Variants in HNF1B observed in about 807,000 individuals in gnomAD.
HNF1B encodes HNF1 homeobox B, also known as hepatocyte nuclear factor 1-beta.
In HNF1B, 8 loss-of-function variants were observed where a neutral mutation model predicts 61.7. The observed-to-expected ratio is 0.13, with a 90% confidence interval of 0.08 to 0.23. The LOEUF is 0.23. Among genes scored for constraint, HNF1B ranks in the 10% least tolerant of loss-of-function variants. HNF1B has a pLI of 1.00. For missense variants in HNF1B, 562 were observed against 714.5 expected, an observed-to-expected ratio of 0.79 and a Z score of 2.43; for synonymous variants, 314 against 287.7, an observed-to-expected ratio of 1.09 and a Z score of -0.93.
intron 4 of HNF1B, among the ~76,000 whole-genome samples, chr17:37,716,284 G>A (rs534076696): frequency 6.6e-6 from 1 of 152,136 alleles, no homozygotes; most frequent in African/African-American, 2.4e-5. Flanking sequence ...GGCAACCTTC[G>A]CCTCCCGGGC....
At chr17:37,730,385 C>T (rs1368924242) in intron 4 of HNF1B, 1 of 152,396 alleles carries the variant, frequency 6.6e-6, no homozygotes, top group Non-Finnish European at 1.5e-5. Flanking sequence ...AGACTTTCTT[C>T]CTGTGTGGCT....
intron 8 of HNF1B, among the ~76,000 whole-genome samples, chr17:37,694,342 C>T (rs1005892222): frequency 1.0e-4 from 15 of 145,866 alleles, no homozygotes; most frequent in African/African-American, 3.8e-4. Flanking sequence ...GGCAGAATCG[C>T]TTGAACCTGG....
chr17:37,715,066 C>A lies in HNF1B; in HGVS notation c.1046-4403G>T, dbSNP rs561346297. The stretch of plus-strand genomic sequence containing the variant: ...CTCTGCACCTTTGCTGTTTCCTCTG[C>A]CTGGAAAGCATCTCGTGTCACATGT... On this transcript the variant is annotated intron_variant, in intron 4 of 8. Transcript: ENST00000617811. Among the ~76,000 whole-genome samples, 21 of 152,220 alleles carry A rather than the reference C, an allele frequency of 1.4e-4. No individual in the cohort carries two copies. The South Asian group carries it at 1.7e-3, about 12-fold the overall frequency.
In HNF1B at chr17:37,710,656, G is replaced by A. The variant is rs755115720; in HGVS notation, c.1053C>T (p.Arg351=). 3 of 1,613,694 alleles carry A rather than the reference G, an allele frequency of 1.9e-6. No homozygotes were observed. The highest frequency in any genetic ancestry group is 2.5e-6 in the Non-Finnish European group (3 of 1,179,774). Residue 351 remains arginine (R), a synonymous_variant, in exon 5 of 9, where the codon CGC becomes CGT. Coordinates refer to ENST00000617811, the MANE Select transcript of HNF1B (RefSeq NM_000458.4). ...TCTCATTGTTTCCCTGCTGGCTGTA[G>A]CGCACTCCTGCAAAACAACACAAAC... is the stretch of plus-strand genomic sequence containing the variant. The part of the protein sequence containing the change: ...SSPPNKLSGV[R]YSQQGNNEIT...
At position 37,731,634 on chromosome 17, in the gene HNF1B, G is replaced by C. The variant is rs138986885; in HGVS notation, c.1006C>G (p.His336Asp). 1.9e-4 allele frequency: 299 copies of C among 1,613,732 alleles called. 3 individuals are homozygous for C. The highest frequency in any genetic ancestry group is 2.4e-4 in the Non-Finnish European group (278 of 1,179,802). Residue 336 changes from histidine (H) to aspartate (D), a missense_variant, in exon 4 of 9, where the codon CAC (histidine) becomes GAC (aspartate). Physicochemically the swap from His to Asp is moderately conservative, Grantham distance 81 (BLOSUM62 -1). Around this residue, in one of 6 missense-constraint regions of HNF1B, gnomAD observed 211 missense variants for 200.7 expected, o/e 1.05. Transcript: ENST00000617811. ...GGAGGAGAGGAGCTGGGCTGGTGGT[G>C]GGGGGAGCCGTGGGAGAGCAGAGGG... ...LNPLLSHGSP[H>D]HQPSSSPPNK... is the part of the protein sequence containing the mutation.
At position 37,686,446 on chromosome 17, in the gene HNF1B, T is replaced by C. The variant is rs765774957; in HGVS notation, c.*926A>G. 1 of 152,076 alleles carries C rather than the reference T, an allele frequency of 6.6e-6. No individual in the cohort carries two copies. The highest frequency in any genetic ancestry group is 2.4e-5 in the African/African-American group (1 of 41,388). 9.4% of individuals were successfully genotyped at this position (152,076 alleles called of 1,614,324 possible). A position where few individuals can be genotyped will look rare whatever the true frequency, so the allele number is the denominator to read the frequency against. Reference sequence around the variant, plus strand: ...AGACTCTGGGTAGTGATAAAATAAATTGTTTTAATGGAAGGCTTTCTGAGA... The same window carrying C: ...AGACTCTGGGTAGTGATAAAATAAACTGTTTTAATGGAAGGCTTTCTGAGA... On this transcript the variant is annotated 3_prime_UTR_variant, in exon 9 of 9. Transcript: ENST00000617811.
At chr17:37,740,564 A>G (rs996990103) in intron 1 of HNF1B, among the ~76,000 whole-genome samples, 2 of 152,188 alleles carry the variant, frequency 1.3e-5, no homozygotes, top group African/African-American at 4.8e-5. Context: ...GAGTTTTAGA[A>G]AAGTTTTCCA....
chr17:37,743,039 A>G (rs1359653110), intron 1 of HNF1B, among the ~76,000 whole-genome samples: 8 of 151,232 alleles, frequency 5.3e-5, no homozygotes, highest in African/African-American at 1.7e-4. Context: ...TAACACCCCA[A>G]CTCCACGTGC....
In HNF1B at chr17:37,699,129, C is replaced by T; in HGVS notation, c.1600G>A (p.Val534Ile). The change falls in exon 8 of 9, where the codon GTC (valine) becomes ATC (isoleucine). Residue 534 changes from valine (V) to isoleucine (I), a missense_variant. By Grantham distance (29) the Val-to-Ile change is conservative. Around this residue, in one of 6 missense-constraint regions of HNF1B, gnomAD observed 64 missense variants for 96.9 expected, o/e 0.66. Coordinates refer to ENST00000617811, the MANE Select transcript of HNF1B (RefSeq NM_000458.4). ...HTSRFPSAMVVTDTSSISTLT... is the reference protein window; with the variant it reads ...HTSRFPSAMVITDTSSISTLT... ...GTACTGATGCTGCTGGTATCTGTGACCACCATTGCAGATGGAAACCGGGAG... is the reference window on the plus strand; with the variant it reads ...GTACTGATGCTGCTGGTATCTGTGATCACCATTGCAGATGGAAACCGGGAG... 6.2e-7 allele frequency: 1 copy of T among 1,614,052 alleles called. No homozygotes were observed. The highest frequency in any genetic ancestry group is 8.5e-7 in the Non-Finnish European group (1 of 1,180,004).
chr17:37,710,891 T>A (rs1354326770), intron 4 of HNF1B, among the ~76,000 whole-genome samples: 5 of 152,222 alleles, frequency 3.3e-5, no homozygotes, highest in African/African-American at 9.6e-5. Flanking sequence ...TTTTATCTCG[T>A]TTGTTTTGTT....
chr17:37,733,697 G>A lies in HNF1B; in HGVS notation c.669C>T (p.Cys223=). 6.2e-7 allele frequency: 1 copy of A among 1,614,178 alleles called. No homozygotes were observed. The highest frequency in any genetic ancestry group is 8.5e-7 in the Non-Finnish European group (1 of 1,180,036). The change falls in exon 3 of 9, where the codon TGC becomes TGT. Residue 223 remains cysteine (C), a synonymous_variant. Transcript: ENST00000617811. Reference sequence around the variant, plus strand: ...GCATCTTCTTGTTGGTGGGCTCAGAGCAGGCATCATCGGACTGCCCAGGCC... The same window carrying A: ...GCATCTTCTTGTTGGTGGGCTCAGAACAGGCATCATCGGACTGCCCAGGCC... ...SHGPGQSDDA[C]SEPTNKKMRR...
At chr17:37,692,581 A>C (rs936977442) in intron 8 of HNF1B, among the ~76,000 whole-genome samples, 4 of 152,106 alleles carry the variant, frequency 2.6e-5, no homozygotes. Flanking sequence ...AAATGGAGGC[A>C]TCAAAAAACA....
chr17:37,731,848 G>A lies in HNF1B; in HGVS notation c.810-18C>T, dbSNP rs764980869. 7 of 1,577,016 alleles carry A rather than the reference G, an allele frequency of 4.4e-6. No homozygotes were observed. The highest frequency in any genetic ancestry group is 1.7e-5 in the Admixed American group (1 of 59,440). Reference sequence around the variant, plus strand: ...ATTCTGCCCTGGGAATGGATGGAGGGGAGATGGTGAGTGAGGGGGGGCGGG... The same window carrying A: ...ATTCTGCCCTGGGAATGGATGGAGGAGAGATGGTGAGTGAGGGGGGGCGGG... On this transcript the variant is annotated intron_variant, in intron 3 of 8. Transcript: ENST00000617811.
intron 8 of HNF1B, among the ~76,000 whole-genome samples, chr17:37,692,973 G>A (rs540778456): frequency 2.0e-5 from 3 of 151,934 alleles, no homozygotes; most frequent in African/African-American, 7.2e-5. Flanking sequence ...GGCAGATCAC[G>A]AGGTCAGGAA....
intron 4 of HNF1B, among the ~76,000 whole-genome samples, chr17:37,724,844 T>C (rs1174778076): frequency 6.6e-6 from 1 of 152,136 alleles, no homozygotes; most frequent in Non-Finnish European, 1.5e-5. Flanking sequence ...GACTGACTAA[T>C]TGATCTGACT....
At chr17:37,700,919 A>C (rs575880828) in intron 7 of HNF1B, 64 bp downstream of exon 7, 40 of 1,438,836 alleles carry the variant, frequency 2.8e-5, no homozygotes, top group Admixed American at 5.9e-5. Context: ...AGACCCAGAG[A>C]GGGAAAGTGG....
intron 8 of HNF1B, among the ~76,000 whole-genome samples, chr17:37,694,920 C>T (rs927441592): frequency 3.9e-5 from 6 of 152,202 alleles, no homozygotes; most frequent in Admixed American, 6.5e-5. Flanking sequence ...GGAAGCAGAG[C>T]GTAAAAGTTT....
intron 5 of HNF1B, among the ~76,000 whole-genome samples, chr17:37,708,756 T>G (rs1311545333): frequency 6.6e-6 from 1 of 151,990 alleles, no homozygotes; most frequent in Non-Finnish European, 1.5e-5. Flanking sequence ...TAGGTGGGAG[T>G]AGGAGAAGAG....
At chr17:37,716,486 A>G (rs952172275) in intron 4 of HNF1B, among the ~76,000 whole-genome samples, 1 of 152,196 alleles carries the variant, frequency 6.6e-6, no homozygotes, top group East Asian at 1.9e-4. Context: ...GGCATGAGCC[A>G]CTGCGCCCGG....
Sources: gnomAD v4.1 joint callset for allele counts (sites outside exome capture counted in the v4.1 genomes callset) on GRCh38, gnomAD v4.1.1 for gene constraint, gnomAD v4.1.1 regional missense constraint, MANE v1.5 for transcripts, NCBI Gene and HGNC (gene_info 2026-07-23, HGNC 2026-07-21) for gene names.